ZBTB16: variants seen among roughly 807,000 people sequenced by gnomAD.
ZBTB16 encodes the protein zinc finger and BTB domain containing 16.
Under a neutral mutation model 56.8 loss-of-function variants are expected in ZBTB16, and 8 were observed. That is an observed-to-expected ratio of 0.14 (90% confidence interval 0.08 to 0.25). The LOEUF (loss-of-function observed/expected upper bound fraction) is 0.25, where lower values mean the gene tolerates loss of function less well. Among genes scored for constraint, ZBTB16 ranks in the 10% least tolerant of loss-of-function variants. ZBTB16 has a pLI of 1.00. For missense variants in ZBTB16, 625 were observed against 903.0 expected (o/e 0.69, Z 3.95); for synonymous variants, 363 against 368.5 (o/e 0.98, Z 0.17).
At chr11:114,062,146 C>T (rs1197096164) in intron 1 of ZBTB16, among the ~76,000 whole-genome samples, 2 of 151,810 alleles carry the variant, frequency 1.3e-5, no homozygotes, top group African/African-American at 4.8e-5. Flanking sequence ...TCCTGTTGCC[C>T]AGGCTGGAGT....
At chr11:114,159,937 C>CGGT (rs1555145906) in intron 3 of ZBTB16, among the ~76,000 whole-genome samples, 1 of 93,840 alleles carries the variant, frequency 1.1e-5, no homozygotes, top group African/African-American at 6.6e-5. Flanking sequence ...GCGGGGGAGG[C>CGGT]GGGGGGGAGG....
chr11:114,230,532 G>C (rs966502272), intron 4 of ZBTB16, among the ~76,000 whole-genome samples: 20 of 150,858 alleles, frequency 1.3e-4, no homozygotes, highest in Admixed American at 1.2e-3. Context: ...TGGTTACCGT[G>C]GGAATGAATG....
At chr11:114,227,954 C>G (rs1433012937) in intron 4 of ZBTB16, among the ~76,000 whole-genome samples, 1 of 152,188 alleles carries the variant, frequency 6.6e-6, no homozygotes, top group African/African-American at 2.4e-5. Context: ...TCAACACACA[C>G]TGTATCTCCA....
chr11:114,233,942 G>C (rs903450896), intron 4 of ZBTB16, among the ~76,000 whole-genome samples: 2 of 152,168 alleles, frequency 1.3e-5, no homozygotes, highest in African/African-American at 4.8e-5. Context: ...TTCCCCAAGA[G>C]ACTGAAAGTT....
chr11:114,079,236 C>T (rs1354499153), intron 2 of ZBTB16, among the ~76,000 whole-genome samples: 1 of 152,052 alleles, frequency 6.6e-6, no homozygotes. Flanking sequence ...TGAAAATGAC[C>T]ACCTTGTCCA....
At chr11:114,225,556 A>G (rs750224081) in intron 4 of ZBTB16, among the ~76,000 whole-genome samples, 1 of 152,172 alleles carries the variant, frequency 6.6e-6, no homozygotes, top group Non-Finnish European at 1.5e-5. Flanking sequence ...AGAGCACAAG[A>G]GGGGACTAGA....
At chr11:114,107,814 G>A (rs568099542) in intron 2 of ZBTB16, among the ~76,000 whole-genome samples, 15 of 152,278 alleles carry the variant, frequency 9.9e-5, no homozygotes, top group African/African-American at 3.4e-4. Flanking sequence ...GCTTGGATTG[G>A]AGATGATGTG....
intron 2 of ZBTB16, among the ~76,000 whole-genome samples, chr11:114,127,233 C>T (rs1184805371): frequency 6.6e-6 from 1 of 152,166 alleles, no homozygotes; most frequent in Non-Finnish European, 1.5e-5. Flanking sequence ...TGCAGCTTCT[C>T]TCATGAGAAT....
chr11:114,109,024 G>C (rs567005167), intron 2 of ZBTB16, among the ~76,000 whole-genome samples: 1 of 152,172 alleles, frequency 6.6e-6, no homozygotes, highest in Admixed American at 6.5e-5. Flanking sequence ...GAGTGGGGAC[G>C]GGGCTGATCT....
chr11:114,072,396 G>C (rs1261661698), intron 2 of ZBTB16, among the ~76,000 whole-genome samples: 2 of 152,316 alleles, frequency 1.3e-5, no homozygotes, highest in East Asian at 3.9e-4. Context: ...CCAAATGCCG[G>C]GGAGGCTCAC....
At chr11:114,153,211 C>T (rs1178715437) in intron 2 of ZBTB16, among the ~76,000 whole-genome samples, 2 of 152,164 alleles carry the variant, frequency 1.3e-5, no homozygotes, top group Admixed American at 6.5e-5. Context: ...GGTAGATGAA[C>T]AAGAATTAAA....
At chr11:114,062,721 TG>T (rs1044375914) in intron 1 of ZBTB16, among the ~76,000 whole-genome samples, 75 of 152,344 alleles carry the variant, frequency 4.9e-4, no homozygotes, top group Middle Eastern at 6.8e-3. Flanking sequence ...ACTCTGCTTC[TG>T]GGGCTCCTGT....
chr11:114,209,871 A>G, intron 4 of ZBTB16: 1 of 985,288 alleles, frequency 1.0e-6, no homozygotes, highest in Non-Finnish European at 1.2e-6. Flanking sequence ...TGTTGAGGGG[A>G]CCCCATATTT....
At chr11:114,154,982 C>T (rs1330020941) in intron 2 of ZBTB16, among the ~76,000 whole-genome samples, 1 of 152,198 alleles carries the variant, frequency 6.6e-6, no homozygotes, top group Non-Finnish European at 1.5e-5. Flanking sequence ...GCTGGGTTCT[C>T]ATTCTGGGAC....
At chr11:114,242,384 C>G in intron 5 of ZBTB16, 47 bp downstream of exon 5, 1 of 1,604,836 alleles carries the variant, frequency 6.2e-7, no homozygotes. Context: ...TGGGAGCCAG[C>G]GTCTATATTT....
At chr11:114,087,133 A>C (rs1015294047) in intron 2 of ZBTB16, among the ~76,000 whole-genome samples, 2 of 152,128 alleles carry the variant, frequency 1.3e-5, no homozygotes, top group Non-Finnish European at 2.9e-5. Flanking sequence ...ATCATCTGCA[A>C]AATGCTGGTA....
chr11:114,071,947 C>T (rs1222542251), intron 2 of ZBTB16, among the ~76,000 whole-genome samples: 2 of 152,202 alleles, frequency 1.3e-5, no homozygotes, highest in African/African-American at 2.4e-5. Context: ...TGCCTGTTTG[C>T]TCATTTGTGA....
At chr11:114,204,128 G>T (rs1383265655) in intron 4 of ZBTB16, among the ~76,000 whole-genome samples, 1 of 151,614 alleles carries the variant, frequency 6.6e-6, no homozygotes, top group Admixed American at 6.6e-5. Context: ...ACAAACAAAA[G>T]AAATATGTTC....
chr11:114,143,523 G>A lies in ZBTB16; in HGVS notation c.1269-12814G>A, dbSNP rs866733747. Among the ~76,000 whole-genome samples the A allele has an allele frequency of 1.2e-4, 18 of 152,314 alleles. No individual in the cohort carries two copies. Among genetic ancestry groups the A allele is most frequent in the Middle Eastern group, 3.4e-3 (1 of 294 alleles). On this transcript the variant is annotated intron_variant, in intron 2 of 6. Transcript: ENST00000335953. This position sits in a 1 kb window ranked among gnomAD's most constrained non-coding sequence, Gnocchi z 6.4. ...TGCCTAGTGAAATGTCCTTTTGGAAGTATCAGGTTCCTGCAGGGAGATTAC... is the reference window on the plus strand; with the variant it reads ...TGCCTAGTGAAATGTCCTTTTGGAAATATCAGGTTCCTGCAGGGAGATTAC...
Sources: allele counts gnomAD v4.1 joint callset (sites outside exome capture counted in the v4.1 genomes callset), GRCh38; gene constraint gnomAD v4.1.1; non-coding constraint Gnocchi (gnomAD v3.1); transcripts MANE v1.5; gene names NCBI Gene and HGNC (gene_info 2026-07-23, HGNC 2026-07-21).